GRB14: variants seen among roughly 807,000 people sequenced by gnomAD.
The protein encoded by GRB14 is growth factor receptor-bound protein 14.
Under a neutral mutation model 69.1 loss-of-function variants are expected in GRB14, and 38 were observed. The ratio of observed to expected loss-of-function variants is 0.55; its 90% CI spans 0.42 to 0.72. The LOEUF (loss-of-function observed/expected upper bound fraction) is 0.72. Ranked by LOEUF, GRB14 falls within the 30% of genes least tolerant of loss-of-function variation. The pLI, the probability that GRB14 is intolerant of heterozygous loss-of-function variation, is 0.00. For missense variants in GRB14, 666 were observed against 666.1 expected (o/e 1.00, Z 0.00); for synonymous variants, 247 against 241.3 (o/e 1.02, Z -0.22).
intron 3 of GRB14, among the ~76,000 whole-genome samples, chr2:164,538,670 A>C (rs114868496): frequency 0.019 from 2,837 of 152,310 alleles, 112 homozygotes; most frequent in African/African-American, 0.064. Flanking sequence ...CTGCCTATTA[A>C]AATTCTCAGC....
chr2:164,601,787 A>C (rs1689919894), intron 2 of GRB14, among the ~76,000 whole-genome samples: 1 of 152,180 alleles, frequency 6.6e-6, no homozygotes, highest in Non-Finnish European at 1.5e-5. Flanking sequence ...ACTACTTTAC[A>C]ACTGCAGACC....
intron 9 of GRB14, among the ~76,000 whole-genome samples, chr2:164,499,602 G>A (rs1232436506): frequency 4.6e-5 from 7 of 152,076 alleles, no homozygotes; most frequent in Admixed American, 4.6e-4. Context: ...GATGAACAGA[G>A]AAGGCCCTAA....
At position 164,530,606 on chromosome 2, in the gene GRB14, G is replaced by A. The variant is rs527551068; in HGVS notation, c.482-3471C>T. Among the ~76,000 whole-genome samples, 150 of 152,068 alleles carry A rather than the reference G, an allele frequency of 9.9e-4. 1 individual carries two copies. Among genetic ancestry groups the A allele is most frequent in the African/African-American group, 3.5e-3 (146 of 41,474 alleles). On this transcript the variant is annotated intron_variant, in intron 3 of 13. Transcript: ENST00000263915. ...AGAGACCTAAAGGAGAAGAGGACAG[G>A]AGCCAAGCAGATAGAGAGGAGAAGC...
chr2:164,592,355 C>T (rs6432799), intron 2 of GRB14, among the ~76,000 whole-genome samples: 29,964 of 152,076 alleles, frequency 0.2, 3,545 homozygotes, highest in African/African-American at 0.32. Context: ...AAGATGGTCT[C>T]GATCTCCTGA....
rs187279172 is a variant in GRB14 at position 164,567,111 on chromosome 2, T to C, written c.325-19295A>G. 9.2e-5 allele frequency among the ~76,000 whole-genome samples: 14 copies of C among 152,288 alleles called. No individual in the cohort carries two copies. The East Asian group carries it at 2.7e-3, about 29-fold the overall frequency. ...GTCCAGGAACCTATATTGTCATTAT[T>C]AATGCACTGCTAAGTCCAATTCCAA... On this transcript the variant is annotated intron_variant, in intron 2 of 13. Transcript: ENST00000263915.
At chr2:164,517,442 A>T (rs549487442) in intron 6 of GRB14, among the ~76,000 whole-genome samples, 1 of 152,306 alleles carries the variant, frequency 6.6e-6, no homozygotes, top group African/African-American at 2.4e-5. Flanking sequence ...CAAAAACATG[A>T]TGAAAAAAGA....
intron 2 of GRB14, among the ~76,000 whole-genome samples, chr2:164,595,774 G>A (rs1689766085): frequency 6.6e-6 from 1 of 152,160 alleles, no homozygotes; most frequent in Admixed American, 6.5e-5. Context: ...CAGAACAGTT[G>A]GTGGCACTTA....
Position 164,525,061 on chromosome 2 carries a change from A to G in GRB14, c.621T>C (p.His207=), listed in dbSNP as rs919245380. 1.9e-6 allele frequency: 3 copies of G among 1,585,036 alleles called. No homozygotes were observed. The highest frequency in any genetic ancestry group is 1.7e-5 in the Admixed American group (1 of 57,316). Residue 207 remains histidine, a synonymous_variant, in exon 5 of 14, where the codon CAT becomes CAC. Transcript: ENST00000263915. ...FKNPMYFFPE[H]MVSFATETNG... is the part of the protein sequence containing the mutation. ...TGGTTTCAGTTGCAAAAGATACCAT[A>G]TGCTCTGGAAAAAAATACTGTCAAA...
intron 12 of GRB14, among the ~76,000 whole-genome samples, chr2:164,496,677 A>G (rs1686906297): frequency 6.6e-6 from 1 of 152,212 alleles, no homozygotes; most frequent in African/African-American, 2.4e-5. Context: ...CAAAATATTG[A>G]CACTTAAAAA....
At chr2:164,506,169 G>A (rs1687183231) in intron 8 of GRB14, among the ~76,000 whole-genome samples, 1 of 152,180 alleles carries the variant, frequency 6.6e-6, no homozygotes, top group African/African-American at 2.4e-5. Flanking sequence ...CTGGAGGGCT[G>A]GACAAAGTTA....
chr2:164,614,737 T>C (rs1049430602), intron 2 of GRB14, among the ~76,000 whole-genome samples: 5 of 152,338 alleles, frequency 3.3e-5, no homozygotes, highest in African/African-American at 9.6e-5. Context: ...TTTACTTCTA[T>C]GTATACTAGA....
intron 2 of GRB14, among the ~76,000 whole-genome samples, chr2:164,595,448 C>T (rs1689760278): frequency 6.6e-6 from 1 of 152,110 alleles, no homozygotes; most frequent in Admixed American, 6.5e-5. Flanking sequence ...TTCTTGAGGA[C>T]ATTAGGAAAT....
intron 2 of GRB14, among the ~76,000 whole-genome samples, chr2:164,569,681 A>C (rs996316277): frequency 3.3e-5 from 5 of 152,224 alleles, no homozygotes; most frequent in Non-Finnish European, 7.3e-5. Flanking sequence ...ATTCCTCAAA[A>C]GAAAAAAGAG....
At chr2:164,540,880 G>A (rs990542046) in intron 3 of GRB14, among the ~76,000 whole-genome samples, 6 of 152,172 alleles carry the variant, frequency 3.9e-5, no homozygotes, top group Non-Finnish European at 7.3e-5. Context: ...TTTGGGTAAC[G>A]CAGCCAGAGA....
intron 2 of GRB14, among the ~76,000 whole-genome samples, chr2:164,590,158 A>G (rs2105345117): frequency 6.6e-6 from 1 of 152,248 alleles, no homozygotes; most frequent in South Asian, 2.1e-4. Flanking sequence ...CAATTTTCAT[A>G]TTTTTCCTAA....
At chr2:164,524,072 T>C (rs576188150) in intron 5 of GRB14, among the ~76,000 whole-genome samples, 58 of 152,184 alleles carry the variant, frequency 3.8e-4, no homozygotes, top group African/African-American at 1.3e-3. Flanking sequence ...TTCAAAAATA[T>C]TCTGAAGCAC....
intron 3 of GRB14, among the ~76,000 whole-genome samples, chr2:164,528,999 A>C (rs1251280903): frequency 6.6e-6 from 1 of 152,204 alleles, no homozygotes; most frequent in East Asian, 1.9e-4. Context: ...AAAGGTGGAA[A>C]CCTAATGTCC....
intron 2 of GRB14, among the ~76,000 whole-genome samples, chr2:164,586,080 G>A (rs77861420): frequency 2.6e-5 from 4 of 152,234 alleles, no homozygotes; most frequent in East Asian, 3.9e-4. Context: ...ATAGAACCTC[G>A]AGTTATAGAG....
intron 2 of GRB14, among the ~76,000 whole-genome samples, chr2:164,552,402 T>C (rs755940919): frequency 6.6e-6 from 1 of 152,230 alleles, no homozygotes; most frequent in Non-Finnish European, 1.5e-5. Flanking sequence ...TTGTAAATGG[T>C]AGGTACTCTA....
Sources: allele counts gnomAD v4.1 joint callset (sites outside exome capture counted in the v4.1 genomes callset), GRCh38; gene constraint gnomAD v4.1.1; transcripts MANE v1.5; gene names NCBI Gene and HGNC (gene_info 2026-07-23, HGNC 2026-07-21).